Variants in ZXDC observed in about 807,000 individuals in gnomAD.
ZXDC encodes the protein ZXD family zinc finger C.
In ZXDC, 58 loss-of-function variants were observed where a neutral mutation model predicts 63.6. The observed-to-expected ratio is 0.91, with a 90% CI of 0.74 to 1.13. The LOEUF is 1.13. ZXDC is among the 50% of genes most tolerant of loss of function. The probability of loss-of-function intolerance (pLI) is 0.00; values close to 1 mark genes in which losing one functional copy is unlikely to be tolerated. For synonymous variants in ZXDC, 561 were observed against 496.1 expected (o/e 1.13, Z -1.74); for missense variants, 1,133 against 1,148.9 (o/e 0.99, Z 0.20).
chr3:126,441,312 T>C lies in ZXDC; in HGVS notation c.2394+453A>G, dbSNP rs190963412. 2.5e-4 allele frequency: 247 copies of C among 996,058 alleles called. No individual in the cohort carries two copies. The African/African-American group carries it at 4.0e-3, about 16-fold the overall frequency. The allele number at this position is 996,058 out of a possible 1,614,324, so 61.7% of individuals were successfully genotyped here. A position where few individuals can be genotyped will look rare whatever the true frequency, so the allele number is the denominator to read the frequency against. On this transcript the variant is annotated intron_variant, in intron 8 of 9. Coordinates refer to ENST00000389709, the MANE Select transcript of ZXDC (RefSeq NM_025112.5). ...GAAAAGACCCCCACCACCTTCAGCA[T>C]AGAAAGGCTGCTAGTGCGCCACAAG...
At chr3:126,459,936 A>G (rs954314759) in intron 6 of ZXDC, 199 bp from the exon 7 acceptor site, 1 of 985,366 alleles carries the variant, frequency 1.0e-6, no homozygotes, top group South Asian at 4.7e-5. Flanking sequence ...GGAACAATGT[A>G]TGTGACTTTC....
chr3:126,464,530 CAAAT>C (rs1302174645), intron 5 of ZXDC, among the ~76,000 whole-genome samples: 2 of 152,104 alleles, frequency 1.3e-5, no homozygotes, highest in African/African-American at 4.8e-5. Context: ...GGATGACACA[CAAAT>C]AAGTCATTGT....
At position 126,463,951 on chromosome 3, in the gene ZXDC, T is replaced by A. The variant is rs1051290094; in HGVS notation, c.1442-1731A>T. ...AAAAAAGTATCAATATAGTATCACT[T>A]CTTCAATAAATATCCCTTAGTACCA... On this transcript the variant is annotated intron_variant, in intron 5 of 9. Coordinates refer to ENST00000389709, the MANE Select transcript of ZXDC (RefSeq NM_025112.5). Among the ~76,000 whole-genome samples the A allele has an allele frequency of 3.3e-5, 5 of 152,256 alleles. No individual in the cohort carries two copies. The East Asian group carries it at 7.7e-4, about 23-fold the overall frequency.
In ZXDC at chr3:126,441,737, C is replaced by G. The variant is rs1313298902; in HGVS notation, c.2394+28G>C. The stretch of plus-strand genomic sequence containing the variant: ...CGTGACCCTCCCACCCCGCCTACAG[C>G]TGGCCTGTGTGACTGGCCAGCTCTC... On this transcript the variant is annotated intron_variant, in intron 8 of 9. Transcript: ENST00000389709. The G allele has an allele frequency of 1.9e-6, 3 of 1,555,030 alleles. No homozygotes were observed. In the Admixed American group the frequency reaches 5.7e-5, roughly 30 times the overall value.
chr3:126,471,588 G>A (rs1315040613), intron 3 of ZXDC, among the ~76,000 whole-genome samples: 1 of 152,108 alleles, frequency 6.6e-6, no homozygotes, highest in Non-Finnish European at 1.5e-5. Context: ...TGGGAAGGTA[G>A]AAGACACACA....
At chr3:126,446,678 G>T (rs1933897665) in intron 7 of ZXDC, among the ~76,000 whole-genome samples, 1 of 152,210 alleles carries the variant, frequency 6.6e-6, no homozygotes, top group Non-Finnish European at 1.5e-5. Context: ...AAGATCAGAG[G>T]TCACTGGGGC....
intron 6 of ZXDC, chr3:126,460,471 A>G (rs1934481283): frequency 2.1e-5 from 21 of 985,358 alleles, no homozygotes; most frequent in Non-Finnish European, 2.5e-5. Flanking sequence ...GTTAAGACCA[A>G]GGTCTTGCTG....
In ZXDC at chr3:126,445,420, G is replaced by A. The variant is rs113682086; in HGVS notation, c.2213-3474C>T. ...ACAGGAAGGGTAAGCTGGCAAGCCC[G>A]GCTCATTAAAGTTTTAATGTCGGTA... On this transcript the variant is annotated intron_variant, in intron 7 of 9. Transcript: ENST00000389709. Among the ~76,000 whole-genome samples the A allele has an allele frequency of 4.5e-3, 687 of 151,952 alleles. 2 individuals carry two copies. The highest frequency in any genetic ancestry group is 0.016 in the African/African-American group (653 of 41,428).
intron 7 of ZXDC, among the ~76,000 whole-genome samples, chr3:126,444,449 A>C (rs545283287): frequency 1.6e-3 from 238 of 151,954 alleles, no homozygotes; most frequent in African/African-American, 5.4e-3. Context: ...GGAGAATGGC[A>C]TGAACCCAGG....
At chr3:126,451,251 G>GTAC (rs1470360361) in intron 7 of ZXDC, 6 of 985,232 alleles carry the variant, frequency 6.1e-6, no homozygotes, top group Non-Finnish European at 7.2e-6. Flanking sequence ...ATGCATATGT[G>GTAC]TACTACTGCT....
chr3:126,458,340 G>A (rs983273399), intron 7 of ZXDC, among the ~76,000 whole-genome samples: 2 of 150,764 alleles, frequency 1.3e-5, no homozygotes, highest in Non-Finnish European at 2.9e-5. Flanking sequence ...GGGTTCAAGC[G>A]ATTCTCCTGC....
chr3:126,460,367 G>A (rs1243447604), intron 6 of ZXDC: 3 of 682,524 alleles, frequency 4.4e-6, no homozygotes, highest in African/African-American at 2.0e-5. Context: ...CTCAAAGCTC[G>A]TAGCATACCT....
At chr3:126,469,936 G>A (rs533740456) in intron 4 of ZXDC, among the ~76,000 whole-genome samples, 1 of 152,256 alleles carries the variant, frequency 6.6e-6, no homozygotes, top group Admixed American at 6.5e-5. Flanking sequence ...CTCTCTTCCA[G>A]GTAAGGAAAC....
chr3:126,455,128 T>C, intron 7 of ZXDC: 1 of 984,506 alleles, frequency 1.0e-6, no homozygotes, highest in Non-Finnish European at 1.2e-6. Context: ...ATCACAAATG[T>C]TGAAACCAAA....
At chr3:126,448,274 AGTATGTACT>A (rs1933958722) in intron 7 of ZXDC, among the ~76,000 whole-genome samples, 1 of 152,230 alleles carries the variant, frequency 6.6e-6, no homozygotes, top group African/African-American at 2.4e-5. Context: ...CCATTCAACA[AGTATGTACT>A]GTATCTTCAC....
intron 4 of ZXDC, among the ~76,000 whole-genome samples, chr3:126,468,748 C>A (rs1342217638): frequency 1.3e-5 from 2 of 152,162 alleles, no homozygotes; most frequent in Non-Finnish European, 2.9e-5. Context: ...CATCCATCAG[C>A]ACACCAAGAC....
intron 7 of ZXDC, among the ~76,000 whole-genome samples, chr3:126,447,508 C>A (rs1933925529): frequency 6.6e-6 from 1 of 152,190 alleles, no homozygotes; most frequent in African/African-American, 2.4e-5. Context: ...AAGTAATCAT[C>A]ATTCTCTCCT....
rs78516922 is a variant in ZXDC at position 126,457,312 on chromosome 3, C to G, written c.2212+2341G>C. 6,604 of 985,392 alleles carry G rather than the reference C, an allele frequency of 6.7e-3. 316 individuals are homozygous for G. The African/African-American group carries it at 0.1, about 16-fold the overall frequency. 61.0% of individuals were successfully genotyped at this position (985,392 alleles called of 1,614,324 possible). On this transcript the variant is annotated intron_variant, in intron 7 of 9. Transcript: ENST00000389709. The stretch of plus-strand genomic sequence containing the variant: ...CAGAGGATGCAACACTGTGACAAGA[C>G]ACACAGAGGAGCGCTGTGCAGGAAT...
At chr3:126,449,286 C>G (rs1934004232) in intron 7 of ZXDC, among the ~76,000 whole-genome samples, 1 of 152,136 alleles carries the variant, frequency 6.6e-6, no homozygotes, top group Non-Finnish European at 1.5e-5. Context: ...GACTTTAATT[C>G]CTGGGCTCAA....
Sources: gnomAD v4.1 joint callset for allele counts (sites outside exome capture counted in the v4.1 genomes callset) on GRCh38, gnomAD v4.1.1 for gene constraint, MANE v1.5 for transcripts, NCBI Gene and HGNC (gene_info 2026-07-23, HGNC 2026-07-21) for gene names.